ZSCAN32: variants seen among roughly 807,000 people sequenced by gnomAD.
The protein encoded by ZSCAN32 is zinc finger and SCAN domain-containing protein 32.
ZSCAN32 carries 52 observed loss-of-function variants against 47.4 expected under a neutral mutation model. The ratio of observed to expected loss-of-function variants is 1.10; its 90% CI spans 0.88 to 1.38. The LOEUF is 1.38. ZSCAN32 is among the 40% of genes most tolerant of loss of function. The pLI, the probability that ZSCAN32 is intolerant of heterozygous loss-of-function variation, is 0.00. For synonymous variants in ZSCAN32, 346 were observed against 305.7 expected (o/e 1.13, Z -1.38); for missense variants, 959 against 846.0 (o/e 1.13, Z -1.66).
chr16:3,390,285 A>AT, intron 4 of ZSCAN32, 138 bp downstream of exon 4: 1 of 1,361,144 alleles, frequency 7.3e-7, no homozygotes, highest in Non-Finnish European at 9.9e-7. Flanking sequence ...CCATGTGATG[A>AT]TGTCAGAGTG....
intron 2 of ZSCAN32, 65 bp from the exon 3 acceptor site, chr16:3,393,879 A>AGAGTGGCAT: frequency 7.3e-7 from 1 of 1,361,004 alleles, no homozygotes; most frequent in South Asian, 1.7e-5. Flanking sequence ...ACAACTCCTA[A>AGAGTGGCAT]GAGTGGCATT....
At position 3,383,502 on chromosome 16, in the gene ZSCAN32, T is replaced by C. The variant is rs748315974; in HGVS notation, c.1444A>G (p.Met482Val). ...SEEKTPSQEK[M>V]SHQSFCARDK... Reference sequence around the variant, plus strand: ...CTGGCACAAAAACTCTGGTGACTCATCTTCTCCTGGGATGGGGTTTTCTCC... The same window carrying C: ...CTGGCACAAAAACTCTGGTGACTCACCTTCTCCTGGGATGGGGTTTTCTCC... Residue 482 changes from methionine to valine, a missense_variant, in exon 7 of 7, where the codon ATG becomes GTG. Met to Val is a conservative substitution (Grantham distance 21). Coordinates refer to ENST00000396852, the MANE Select transcript of ZSCAN32 (RefSeq NM_001284527.2). 1.9e-6 allele frequency: 3 copies of C among 1,614,104 alleles called. No homozygotes were observed. The South Asian group carries it at 3.3e-5, about 18-fold the overall frequency.
Position 3,397,408 on chromosome 16 carries a change from G to C in ZSCAN32, c.150C>G (p.Gly50=), listed in dbSNP as rs2033478561. ...FRQFCYQEVT[G]PHEAFSKLWE... ...AGAGTTTGCTAAAAGCTTCATGTGG[G>C]CCAGTTACCTCCTGGTAGCAAAACT... Residue 50 remains glycine, a synonymous_variant, in exon 2 of 7, where the codon GGC becomes GGG. Transcript: ENST00000396852. The C allele has an allele frequency of 6.4e-7, 1 of 1,552,704 alleles. No homozygotes were observed. Among genetic ancestry groups the C allele is most frequent in the Non-Finnish European group, 8.7e-7 (1 of 1,148,330 alleles).
chr16:3,382,845 G>A lies in ZSCAN32; in HGVS notation c.*7C>T, dbSNP rs565496994. Reference sequence around the variant, plus strand: ...GAGGAACTTAATCTGACAGTTTACCGACACACTCATAACGCATCTCTTCCT... The same window carrying A: ...GAGGAACTTAATCTGACAGTTTACCAACACACTCATAACGCATCTCTTCCT... On this transcript the variant is annotated 3_prime_UTR_variant, in exon 7 of 7. Transcript: ENST00000396852. 7.3e-5 allele frequency: 112 copies of A among 1,544,422 alleles called. No individual in the cohort carries two copies. The highest frequency in any genetic ancestry group is 2.0e-4 in the South Asian group (16 of 80,724).
intron 1 of ZSCAN32, among the ~76,000 whole-genome samples, chr16:3,398,897 C>A (rs2033623289): frequency 6.6e-6 from 1 of 152,196 alleles, no homozygotes; most frequent in African/African-American, 2.4e-5. Flanking sequence ...TCCTTTCCCA[C>A]TTCTAGTAGC....
intron 5 of ZSCAN32, among the ~76,000 whole-genome samples, chr16:3,385,356 T>G (rs2031841816): frequency 6.6e-6 from 1 of 152,036 alleles, no homozygotes; most frequent in Non-Finnish European, 1.5e-5. Flanking sequence ...ATCGTGAAAA[T>G]GGCCATACTG....
At position 3,382,685 on chromosome 16, in the gene ZSCAN32, G is replaced by A; in HGVS notation, c.*167C>T. 9.7e-7 allele frequency: 1 copy of A among 1,029,612 alleles called. No individual in the cohort carries two copies. The highest frequency in any genetic ancestry group is 2.6e-5 in the East Asian group (1 of 38,570). The allele number at this position is 1,029,612 out of a possible 1,614,324, so 63.8% of individuals were successfully genotyped here. A position where few individuals can be genotyped will look rare whatever the true frequency, so the allele number is the denominator to read the frequency against. The stretch of plus-strand genomic sequence containing the variant: ...GACTCTGGAGTCACAGGCACAGCCA[G>A]GAGAGGTCAGCGTCCTTATGCTGAC... On this transcript the variant is annotated 3_prime_UTR_variant, in exon 7 of 7. Coordinates refer to ENST00000396852, the MANE Select transcript of ZSCAN32 (RefSeq NM_001284527.2).
At position 3,393,718 on chromosome 16, in the gene ZSCAN32, C is replaced by A. The variant is rs1205414290; in HGVS notation, c.463G>T (p.Val155Phe). ...TTAAAAGTCGGTTCCTCTGGCTGAA[C>A]CTCCTGTTTCCATTGGGATCTCAGT... is the stretch of plus-strand genomic sequence containing the variant. ...ESLRSQWKQEVQPEEPTFKGS... is the reference protein window; with the variant it reads ...ESLRSQWKQEFQPEEPTFKGS... The change falls in exon 3 of 7, where the codon GTT becomes TTT. Residue 155 changes from valine to phenylalanine, a missense_variant. Physicochemically the swap from Val to Phe is conservative, Grantham distance 50 (BLOSUM62 -1). Coordinates refer to ENST00000396852, the MANE Select transcript of ZSCAN32 (RefSeq NM_001284527.2). The A allele has an allele frequency of 7.1e-6, 11 of 1,550,466 alleles. No individual in the cohort carries two copies. In the South Asian group the frequency reaches 1.1e-4, roughly 15 times the overall value.
At position 3,391,240 on chromosome 16, in the gene ZSCAN32, C is replaced by G. The variant is rs909949528; in HGVS notation, c.533-723G>C. 4.6e-5 allele frequency among the ~76,000 whole-genome samples: 7 copies of G among 152,318 alleles called. No individual in the cohort carries two copies. In the East Asian group the frequency reaches 1.4e-3, roughly 29 times the overall value. On this transcript the variant is annotated intron_variant, in intron 3 of 6. Coordinates refer to ENST00000396852, the MANE Select transcript of ZSCAN32 (RefSeq NM_001284527.2). ...GCCTGGAAGGCAGCAAGTCCTGCTTCTCTTTACTTACAGCCCCCTGCTGTC... is the reference window on the plus strand; with the variant it reads ...GCCTGGAAGGCAGCAAGTCCTGCTTGTCTTTACTTACAGCCCCCTGCTGTC...
At chr16:3,397,883 ACCAT>A in intron 1 of ZSCAN32, 139 bp from the exon 2 acceptor site, 1 of 222,594 alleles carries the variant, frequency 4.5e-6, no homozygotes, top group Admixed American at 5.4e-5. Context: ...ATAGATCTAG[ACCAT>A]CCTGGCTAAC....
chr16:3,389,380 G>C (rs191415904), intron 5 of ZSCAN32, among the ~76,000 whole-genome samples: 29 of 152,342 alleles, frequency 1.9e-4, no homozygotes, highest in Admixed American at 1.8e-3. Context: ...TGAAGCAGCA[G>C]AGGAGAAATC....
intron 3 of ZSCAN32, among the ~76,000 whole-genome samples, chr16:3,393,258 TTTTG>T (rs1201835521): frequency 3.7e-5 from 1 of 26,714 alleles, no homozygotes; most frequent in East Asian, 1.3e-3. Flanking sequence ...TATATATATT[TTTTG>T]TTTTCTTTGA....
intron 3 of ZSCAN32, among the ~76,000 whole-genome samples, chr16:3,392,991 CAGA>C: frequency 6.7e-6 from 1 of 149,110 alleles, no homozygotes; most frequent in Middle Eastern, 3.4e-3. Flanking sequence ...AACTGCTGTG[CAGA>C]AGGTGAAGGT....
chr16:3,398,879 T>G (rs534689642), intron 1 of ZSCAN32, among the ~76,000 whole-genome samples: 1 of 152,318 alleles, frequency 6.6e-6, no homozygotes, highest in Admixed American at 6.5e-5. Flanking sequence ...GTTTTTATTT[T>G]CCAGCATTCC....
chr16:3,383,028 T>C lies in ZSCAN32; in HGVS notation c.1918A>G (p.Lys640Glu), dbSNP rs1277181947. ...ESPYKCAVCG[K>E]IFNNSSHFSA... ...AAGTGGGAGCTATTGTTGAAGATTT[T>C]CCCACACACTGCACACTTGTATGGG... is the stretch of plus-strand genomic sequence containing the variant. Residue 640 changes from lysine (K) to glutamate (E), a missense_variant, in exon 7 of 7, where the codon AAA becomes GAA. Physicochemically the swap from Lys to Glu is moderately conservative, Grantham distance 56. Coordinates refer to ENST00000396852, the MANE Select transcript of ZSCAN32 (RefSeq NM_001284527.2). The C allele has an allele frequency of 2.3e-5, 37 of 1,613,998 alleles. No homozygotes were observed. The highest frequency in any genetic ancestry group is 1.6e-4 in the Middle Eastern group (1 of 6,084).
rs180935129 is a variant in ZSCAN32 at position 3,392,054 on chromosome 16, T to C, written c.533-1537A>G. On this transcript the variant is annotated intron_variant, in intron 3 of 6. Transcript: ENST00000396852. ...AAAATATAGACCCTTGGAATATCCA[T>C]GCAATGGAATATTCAGCCATCAAAA... 2.8e-4 allele frequency among the ~76,000 whole-genome samples: 42 copies of C among 152,334 alleles called. No individual in the cohort carries two copies. The East Asian group carries it at 7.7e-3, about 28-fold the overall frequency.
At chr16:3,386,491 CGT>C (rs60492185) in intron 5 of ZSCAN32, among the ~76,000 whole-genome samples, 13,629 of 152,110 alleles carry the variant, frequency 0.09, 705 homozygotes, top group African/African-American at 0.14. Context: ...CACATGCACA[CGT>C]ATGTTTATTG....
chr16:3,400,288 G>GT (rs1474390266), intron 1 of ZSCAN32, among the ~76,000 whole-genome samples: 11 of 152,168 alleles, frequency 7.2e-5, no homozygotes, highest in African/African-American at 2.7e-4. Flanking sequence ...GAGCGATGAA[G>GT]TATCTTGCCT....
chr16:3,384,560 T>G lies in ZSCAN32; in HGVS notation c.1133A>C (p.Asp378Ala). 1 of 1,614,160 alleles carries G rather than the reference T, an allele frequency of 6.2e-7. No homozygotes were observed. Among genetic ancestry groups the G allele is most frequent in the Non-Finnish European group, 8.5e-7 (1 of 1,180,016 alleles). ...CCTGTCTGCACCATCCACAGTGCCA[T>G]CTTCTACCTCCGTGGGTTCCCCATT... ...HQNGEPTEVE[D>A]GTVDGADRDE... Residue 378 changes from aspartate (D) to alanine (A), a missense_variant, in exon 6 of 7, where the codon GAT becomes GCT. Coordinates refer to ENST00000396852, the MANE Select transcript of ZSCAN32 (RefSeq NM_001284527.2).
Sources: gnomAD v4.1 joint callset for allele counts (sites outside exome capture counted in the v4.1 genomes callset) on GRCh38, gnomAD v4.1.1 for gene constraint, MANE v1.5 for transcripts, NCBI Gene and HGNC (gene_info 2026-07-23, HGNC 2026-07-21) for gene names.